The following NAALADL2 variants were observed in gnomAD, a reference collection of about 807,000 sequenced individuals.
NAALADL2 encodes the protein N-acetylated alpha-linked acidic dipeptidase like 2.
A neutral mutation model predicts 87.2 loss-of-function variants in NAALADL2; 76 were observed. That is an observed-to-expected ratio of 0.87 (90% CI 0.72 to 1.05). The LOEUF is 1.05. Among genes scored for constraint, NAALADL2 ranks in the 50% least tolerant of loss-of-function variants. NAALADL2 has a pLI of 0.00. For synonymous variants in NAALADL2, 354 were observed against 331.0 expected (o/e 1.07, Z -0.75); for missense variants, 1,089 against 945.8 (o/e 1.15, Z -1.99).
At chr3:174,983,462 C>T (rs1415802192) in intron 1 of NAALADL2, among the ~76,000 whole-genome samples, 2 of 152,076 alleles carry the variant, frequency 1.3e-5, no homozygotes, top group South Asian at 2.1e-4. Context: ...AACAAAATAT[C>T]GTCAAGTGAG....
rs1487285252 is a variant in NAALADL2 at position 174,720,737 on chromosome 3, G to A, written c.-114-16904G>A. 2.6e-5 allele frequency among the ~76,000 whole-genome samples: 4 copies of A among 152,174 alleles called. No individual in the cohort carries two copies. In the East Asian group the frequency reaches 7.7e-4, roughly 29 times the overall value. On this transcript the variant is annotated intron_variant, in intron 2 of 3. Coordinates refer to the NAALADL2 transcript ENST00000434257. ...TTAATTGTGAGTAGATTAATAAAAT[G>A]CAGTTTTTACAATCCATTTAAAACA...
chr3:175,475,024 TACACACACACAC>T (rs3040495), intron 9 of NAALADL2, among the ~76,000 whole-genome samples: 2 of 149,612 alleles, frequency 1.3e-5, no homozygotes, highest in East Asian at 3.9e-4. Context: ...AACATTTAAG[TACACACACACAC>T]ACACACACAC....
intron 9 of NAALADL2, among the ~76,000 whole-genome samples, chr3:175,527,636 T>C (rs950655382): frequency 1.3e-5 from 2 of 152,176 alleles, no homozygotes; most frequent in African/African-American, 4.8e-5. Context: ...ATGTGATATG[T>C]ACTGAGTTGA....
chr3:174,906,580 T>A (rs542809635), intron 1 of NAALADL2, among the ~76,000 whole-genome samples: 1 of 152,268 alleles, frequency 6.6e-6, no homozygotes, highest in African/African-American at 2.4e-5. Flanking sequence ...ACTGAGATGC[T>A]GTTTCCAATA....
intron 1 of NAALADL2, among the ~76,000 whole-genome samples, chr3:174,876,523 T>C (rs1728531629): frequency 6.6e-6 from 1 of 152,224 alleles, no homozygotes; most frequent in African/African-American, 2.4e-5. Context: ...GATACAGTTT[T>C]GTGTGATATC....
intron 12 of NAALADL2, among the ~76,000 whole-genome samples, chr3:175,752,703 C>G (rs547625430): frequency 6.6e-6 from 1 of 152,232 alleles, no homozygotes; most frequent in South Asian, 2.1e-4. Flanking sequence ...TTCTCTGCAT[C>G]TGTACTACCA....
chr3:175,337,807 G>A (rs1379769826), intron 5 of NAALADL2, among the ~76,000 whole-genome samples: 2 of 152,112 alleles, frequency 1.3e-5, no homozygotes, highest in East Asian at 3.9e-4. Flanking sequence ...CCATCTTCTA[G>A]AAGAAAAACA....
At chr3:174,853,034 C>G (rs897202194) in intron 3 of NAALADL2, among the ~76,000 whole-genome samples, 6 of 151,598 alleles carry the variant, frequency 4.0e-5, no homozygotes, top group Admixed American at 2.6e-4. Context: ...AGACTCATAT[C>G]TCTCATCATG....
At chr3:174,662,599 T>A (rs1725602370) in intron 2 of NAALADL2, among the ~76,000 whole-genome samples, 1 of 150,988 alleles carries the variant, frequency 6.6e-6, no homozygotes, top group Non-Finnish European at 1.5e-5. Flanking sequence ...AGCATCCTTG[T>A]TGAAAGAAAA....
intron 5 of NAALADL2, among the ~76,000 whole-genome samples, chr3:175,408,397 AATT>A (rs1395380771): frequency 6.6e-6 from 1 of 152,118 alleles, no homozygotes; most frequent in Non-Finnish European, 1.5e-5. Flanking sequence ...AAATATATAC[AATT>A]ATTATTAGTG....
intron 3 of NAALADL2, among the ~76,000 whole-genome samples, chr3:174,844,652 T>C (rs1724385950): frequency 6.6e-6 from 1 of 152,002 alleles, no homozygotes; most frequent in South Asian, 2.1e-4. Context: ...CACTTGTTTG[T>C]GTTTTCTTCA....
chr3:175,707,917 G>C (rs1007135307), intron 11 of NAALADL2, among the ~76,000 whole-genome samples: 1 of 151,936 alleles, frequency 6.6e-6, no homozygotes, highest in Non-Finnish European at 1.5e-5. Context: ...TAGCACAAGT[G>C]CATATTCCAA....
At chr3:174,469,955 C>A (rs1716796731) in intron 1 of NAALADL2, among the ~76,000 whole-genome samples, 3 of 152,052 alleles carry the variant, frequency 2.0e-5, no homozygotes, top group Admixed American at 6.5e-5. Flanking sequence ...CAATTACCAT[C>A]TTTATAGTAC....
In NAALADL2 at chr3:175,729,768, G is replaced by GT. The variant is rs11324916; in HGVS notation, c.1897-7522dup. On this transcript the variant is annotated intron_variant, in intron 11 of 13. Coordinates refer to ENST00000454872, the MANE Select transcript of NAALADL2 (RefSeq NM_207015.3). ...TCCTTTAAATTTAATTCAGCTGAAG[G>GT]TTTTTTTTTTTTTTTTCACATGCCA... Among the ~76,000 whole-genome samples, 538 of 125,488 alleles carry GT rather than the reference G, an allele frequency of 4.3e-3. 2 individuals carry two copies. Among genetic ancestry groups the GT allele is most frequent in the East Asian group, 6.6e-3 (30 of 4,522 alleles). 82.3% of individuals were successfully genotyped at this position (125,488 alleles called of 152,430 possible).
At chr3:175,092,562 C>T (rs1720342962) in intron 1 of NAALADL2, among the ~76,000 whole-genome samples, 1 of 151,828 alleles carries the variant, frequency 6.6e-6, no homozygotes, top group Non-Finnish European at 1.5e-5. Context: ...CATTTTATTT[C>T]CATACTTATC....
At chr3:175,243,531 CTTTT>C (rs3066298) in intron 3 of NAALADL2, among the ~76,000 whole-genome samples, 245 of 85,568 alleles carry the variant, frequency 2.9e-3, no homozygotes, top group African/African-American at 1.0e-2. Context: ...CACATCAGGA[CTTTT>C]TTTTTTTTTT....
intron 2 of NAALADL2, among the ~76,000 whole-genome samples, chr3:174,642,575 C>A (rs2108734457): frequency 6.7e-6 from 1 of 150,154 alleles, no homozygotes; most frequent in Non-Finnish European, 1.5e-5. Context: ...CTCTCTAAAT[C>A]AGGATTACCT....
At chr3:174,489,147 A>G (rs917699589) in intron 1 of NAALADL2, among the ~76,000 whole-genome samples, 12 of 152,064 alleles carry the variant, frequency 7.9e-5, no homozygotes, top group African/African-American at 2.4e-4. Flanking sequence ...GAAATTTTTC[A>G]GGCAATATTT....
intron 1 of NAALADL2, among the ~76,000 whole-genome samples, chr3:174,922,882 T>A (rs1735441108): frequency 1.3e-5 from 2 of 152,222 alleles, no homozygotes; most frequent in African/African-American, 4.8e-5. Context: ...TATCAGTATG[T>A]CTTTTTGCTG....
Sources: allele counts gnomAD v4.1 joint callset (sites outside exome capture counted in the v4.1 genomes callset), GRCh38; gene constraint gnomAD v4.1.1; transcripts MANE v1.5; gene names NCBI Gene and HGNC (gene_info 2026-07-23, HGNC 2026-07-21).